Variants in ZFHX4 observed in about 807,000 individuals in gnomAD.
ZFHX4 encodes zinc finger homeobox protein 4.
In ZFHX4, 56 loss-of-function variants were observed where a neutral mutation model predicts 267.6. The observed-to-expected ratio is 0.21, with a 90% CI of 0.17 to 0.26. The LOEUF (loss-of-function observed/expected upper bound fraction) is 0.26. ZFHX4 is among the 10% of genes least tolerant of loss of function. ZFHX4 has a pLI of 1.00. For synonymous variants in ZFHX4, 1,778 were observed against 1,665.6 expected (o/e 1.07, Z -1.64); for missense variants, 4,332 against 4,420.0 (o/e 0.98, Z 0.56).
Position 76,851,629 on chromosome 8 carries a change from A to G in ZFHX4, c.4708A>G (p.Lys1570Glu), listed in dbSNP as rs751205295. 1.9e-6 allele frequency: 3 copies of G among 1,613,796 alleles called. No individual in the cohort carries two copies. Among genetic ancestry groups the G allele is most frequent in the African/African-American group, 2.7e-5 (2 of 75,050 alleles). Residue 1570 changes from lysine to glutamate, a missense_variant, in exon 10 of 11, where the codon AAA becomes GAA. Physicochemically the swap from Lys to Glu is moderately conservative, Grantham distance 56 (BLOSUM62 1). This residue lies in a region of ZFHX4 where 1,371 missense variants were observed against 1,423.1 expected (regional missense o/e 0.96). Coordinates refer to ENST00000651372, the MANE Select transcript of ZFHX4 (RefSeq NM_024721.5). ...YNSVSHLHKL[K>E]KVLQEASSPV... ...TTCAGTTTCTCACTTGCATAAGCTG[A>G]AAAAAGTTTTGCAGGAAGCCTCCAG...
At chr8:76,700,905 C>T (rs935781027) in intron 1 of ZFHX4, among the ~76,000 whole-genome samples, 1 of 152,072 alleles carries the variant, frequency 6.6e-6, no homozygotes, top group African/African-American at 2.4e-5. Context: ...GGTGAAGGAA[C>T]TTTTATAGTG....
chr8:76,855,945 G>A lies in ZFHX4; in HGVS notation c.9024G>A (p.Glu3008=). The A allele has an allele frequency of 1.1e-5, 17 of 1,613,956 alleles. No individual in the cohort carries two copies. The highest frequency in any genetic ancestry group is 1.4e-5 in the Non-Finnish European group (17 of 1,179,874). ...NQGGTEGTKP[E]CTLCGVKYSA... ...GCGGAACGGAAGGCACCAAACCAGA[G>A]TGTACCCTCTGCGGGGTGAAGTACT... The change falls in exon 10 of 11, where the codon GAG becomes GAA. Residue 3008 remains glutamate, a synonymous_variant. Transcript: ENST00000651372.
chr8:76,758,614 C>A (rs151045970), intron 3 of ZFHX4, among the ~76,000 whole-genome samples: 2 of 152,282 alleles, frequency 1.3e-5, no homozygotes, highest in Non-Finnish European at 2.9e-5. Context: ...CCAGCCTCAG[C>A]CTCCCAAGTA....
chr8:76,735,187 T>G (rs1464187019), intron 3 of ZFHX4, among the ~76,000 whole-genome samples: 1 of 152,142 alleles, frequency 6.6e-6, no homozygotes, highest in Non-Finnish European at 1.5e-5. Context: ...GCTGTTCTTA[T>G]TGTACATAAG....
intron 3 of ZFHX4, among the ~76,000 whole-genome samples, chr8:76,770,690 GA>G (rs1309623318): frequency 6.6e-6 from 1 of 151,810 alleles, no homozygotes; most frequent in Non-Finnish European, 1.5e-5. Context: ...GTACAACAAG[GA>G]AAAAAATGTC....
At position 76,851,216 on chromosome 8, in the gene ZFHX4, G is replaced by A. The variant is rs370497977; in HGVS notation, c.4295G>A (p.Arg1432His). 1.3e-4 allele frequency: 202 copies of A among 1,613,780 alleles called. 1 individual carries two copies. In the East Asian group the frequency reaches 3.2e-3, roughly 25 times the overall value. Residue 1432 changes from arginine to histidine, a missense_variant, in exon 10 of 11, where the codon CGC (arginine) becomes CAC (histidine). Arg to His is a conservative substitution (Grantham distance 29). Around this residue, in one of 7 missense-constraint regions of ZFHX4, gnomAD observed 1,371 missense variants for 1,423.1 expected, o/e 0.96. Transcript: ENST00000651372. ...GCGACAATGTGTAACCTCTGCCAGCGCAGTTTCCGTACATTCCAGGCTTTA... is the reference window on the plus strand; with the variant it reads ...GCGACAATGTGTAACCTCTGCCAGCACAGTTTCCGTACATTCCAGGCTTTA... ...RAATMCNLCQ[R>H]SFRTFQALKK...
Position 76,855,365 on chromosome 8 carries a change from C to G in ZFHX4, c.8444C>G (p.Thr2815Ser). 6.2e-7 allele frequency: 1 copy of G among 1,613,706 alleles called. No homozygotes were observed. The highest frequency in any genetic ancestry group is 2.2e-5 in the East Asian group (1 of 44,824). The change falls in exon 10 of 11, where the codon ACC (threonine) becomes AGC (serine). Residue 2815 changes from threonine to serine, a missense_variant. Physicochemically the swap from Thr to Ser is moderately conservative, Grantham distance 58. Around this residue, in one of 7 missense-constraint regions of ZFHX4, gnomAD observed 1,648 missense variants for 1,625.0 expected, o/e 1.01. Coordinates refer to ENST00000651372, the MANE Select transcript of ZFHX4 (RefSeq NM_024721.5). ...AATACGGCAATCAGTGACGCCACCA[C>G]CGGAGACGAGGGAAACACTGAAATG... ...SINTAISDATTGDEGNTEMES... is the reference protein window; with the variant it reads ...SINTAISDATSGDEGNTEMES...
chr8:76,798,748 C>T (rs1047551022), intron 4 of ZFHX4, among the ~76,000 whole-genome samples: 6 of 152,112 alleles, frequency 3.9e-5, no homozygotes, highest in Admixed American at 6.6e-5. Flanking sequence ...TTATTGCTAG[C>T]GGAGGTATAA....
At chr8:76,844,399 A>G (rs2626349) in intron 6 of ZFHX4, among the ~76,000 whole-genome samples, 1 of 151,982 alleles carries the variant, frequency 6.6e-6, no homozygotes, top group Non-Finnish European at 1.5e-5. Context: ...GGTATATGAC[A>G]TTATGCCAGG....
At chr8:76,856,472 C>T (rs1394690413) in intron 10 of ZFHX4, 172 bp downstream of exon 10, 2 of 727,272 alleles carry the variant, frequency 2.7e-6, no homozygotes, top group African/African-American at 3.5e-5. Flanking sequence ...GGAAGTAGGT[C>T]AACCTGAAAC....
chr8:76,841,688 C>G (rs1812236426), intron 5 of ZFHX4, among the ~76,000 whole-genome samples: 1 of 152,102 alleles, frequency 6.6e-6, no homozygotes, highest in African/African-American at 2.4e-5. Context: ...ACCTTCTTAT[C>G]CTAATTTATG....
chr8:76,713,559 CT>C (rs1158447676), intron 3 of ZFHX4, among the ~76,000 whole-genome samples: 1 of 152,140 alleles, frequency 6.6e-6, no homozygotes, highest in African/African-American at 2.4e-5. Flanking sequence ...CTCTTATGCT[CT>C]TTTCTGTTTT....
intron 6 of ZFHX4, among the ~76,000 whole-genome samples, 184 bp from the exon 7 acceptor site, chr8:76,848,811 C>A (rs1265772573): frequency 1.2e-4 from 19 of 152,088 alleles, no homozygotes; most frequent in Non-Finnish European, 7.4e-5. Flanking sequence ...TTTATAAAGT[C>A]CACTTAGTCA....
chr8:76,689,458 T>A (rs1807772066), intron 1 of ZFHX4, among the ~76,000 whole-genome samples: 1 of 152,154 alleles, frequency 6.6e-6, no homozygotes, highest in Non-Finnish European at 1.5e-5. Flanking sequence ...GATGGACACA[T>A]GTGAGAACTA....
chr8:76,862,838 G>A (rs1435268041), intron 10 of ZFHX4, among the ~76,000 whole-genome samples: 1 of 152,096 alleles, frequency 6.6e-6, no homozygotes, highest in Non-Finnish European at 1.5e-5. Context: ...TGTTTTCTGA[G>A]TAAAATGTTG....
intron 3 of ZFHX4, among the ~76,000 whole-genome samples, chr8:76,770,559 TAAAG>T (rs1300477355): frequency 2.0e-5 from 3 of 152,070 alleles, no homozygotes; most frequent in African/African-American, 7.2e-5. Context: ...TAATGAACAA[TAAAG>T]AATCAGTCCA....
intron 3 of ZFHX4, among the ~76,000 whole-genome samples, chr8:76,757,225 A>G (rs920129879): frequency 2.6e-5 from 4 of 152,194 alleles, no homozygotes; most frequent in Non-Finnish European, 4.4e-5. Flanking sequence ...GCCAGACAAA[A>G]AGAATTGCAA....
chr8:76,705,870 C>T lies in ZFHX4; in HGVS notation c.1782C>T (p.Thr594=), dbSNP rs544982794. The change falls in exon 2 of 11, where the codon ACC becomes ACT. Residue 594 remains threonine, a synonymous_variant. Transcript: ENST00000651372. ...SSATPHQHGF[T]PSTPGTPGPG... ...CCACTCCTCACCAGCATGGCTTTAC[C>T]CCGAGTACTCCTGGCACACCAGGGC... is the stretch of plus-strand genomic sequence containing the variant. 26 of 1,613,710 alleles carry T rather than the reference C, an allele frequency of 1.6e-5. No homozygotes were observed. The East Asian group carries it at 4.2e-4, about 26-fold the overall frequency.
At chr8:76,850,407 G>A in intron 9 of ZFHX4, 45 bp downstream of exon 9, 1 of 1,476,970 alleles carries the variant, frequency 6.8e-7, no homozygotes, top group South Asian at 1.2e-5. Context: ...ACGCTTAGGG[G>A]CTTTGCATTT....
Sources: allele counts gnomAD v4.1 joint callset (sites outside exome capture counted in the v4.1 genomes callset), GRCh38; gene constraint gnomAD v4.1.1; regional missense constraint gnomAD v4.1.1; transcripts MANE v1.5; gene names NCBI Gene and HGNC (gene_info 2026-07-23, HGNC 2026-07-21).